The following TIGIT variants were observed in gnomAD, a reference collection of about 807,000 sequenced individuals.
TIGIT encodes T-cell immunoreceptor with Ig and ITIM domains.
Under a neutral mutation model 19.6 loss-of-function variants are expected in TIGIT, and 11 were observed. That is an observed-to-expected ratio of 0.56 (90% CI 0.35 to 0.93). TIGIT has a LOEUF of 0.93. TIGIT is among the 40% of genes least tolerant of loss of function. The pLI is 0.01. For missense variants in TIGIT, 295 were observed against 303.9 expected, an observed-to-expected ratio of 0.97 and a Z score of 0.22; for synonymous variants, 130 against 125.5, an observed-to-expected ratio of 1.04 and a Z score of -0.24.
intron 2 of TIGIT, among the ~76,000 whole-genome samples, chr3:114,296,890 C>CTTT (rs11289140): frequency 2.7e-4 from 30 of 112,846 alleles, no homozygotes; most frequent in Middle Eastern, 4.4e-3. Context: ...AATGTTACTT[C>CTTT]TTTTTTTTTT....
intron 2 of TIGIT, among the ~76,000 whole-genome samples, chr3:114,298,044 C>T (rs1234781320): frequency 6.6e-6 from 1 of 152,230 alleles, no homozygotes; most frequent in Non-Finnish European, 1.5e-5. Flanking sequence ...CTAATACTAT[C>T]TGTAATATTT....
At position 114,295,490 on chromosome 3, in the gene TIGIT, G is replaced by C. The variant is rs1239382918; in HGVS notation, c.62-55G>C. ...AAGGCCCTTAGAATTTTTCTAGGAA[G>C]GTTGAAGGCCAGCTGCTGACCCAGG... On this transcript the variant is annotated intron_variant, in intron 1 of 3. Transcript: ENST00000383671. 3.4e-6 allele frequency: 5 copies of C among 1,467,576 alleles called. No individual in the cohort carries two copies. In the African/African-American group the frequency reaches 7.0e-5, roughly 21 times the overall value. 90.9% of individuals were successfully genotyped at this position (1,467,576 alleles called of 1,614,324 possible).
chr3:114,299,766 C>T, intron 3 of TIGIT, 63 bp downstream of exon 3: 1 of 1,110,200 alleles, frequency 9.0e-7, no homozygotes. Context: ...CGGGTCCTTT[C>T]AGGTTCTCTT....
At position 114,295,670 on chromosome 3, in the gene TIGIT, G is replaced by A; in HGVS notation, c.187G>A (p.Asp63Asn). 8.7e-6 allele frequency: 14 copies of A among 1,614,182 alleles called. No homozygotes were observed. Among genetic ancestry groups the A allele is most frequent in the Non-Finnish European group, 1.2e-5 (14 of 1,180,032 alleles). Residue 63 changes from aspartate to asparagine, a missense_variant, in exon 2 of 4, where the codon GAC becomes AAC. Physicochemically the swap from Asp to Asn is conservative, Grantham distance 23. Transcript: ENST00000383671. ...GACCCAGGTCAACTGGGAGCAGCAGGACCAGCTTCTGGCCATTTGTAATGC... is the reference window on the plus strand; with the variant it reads ...GACCCAGGTCAACTGGGAGCAGCAGAACCAGCTTCTGGCCATTTGTAATGC... ...QVTQVNWEQQDQLLAICNADL... is the reference protein window; with the variant it reads ...QVTQVNWEQQNQLLAICNADL...
chr3:114,310,021 A>G lies in TIGIT; in HGVS notation c.*1890A>G, dbSNP rs980089325. 3 of 152,236 alleles carry G rather than the reference A, an allele frequency of 2.0e-5. No homozygotes were observed. Among genetic ancestry groups the G allele is most frequent in the African/African-American group, 7.2e-5 (3 of 41,464 alleles). 9.4% of individuals were successfully genotyped at this position (152,236 alleles called of 1,614,324 possible). A position where few individuals can be genotyped will look rare whatever the true frequency, so the allele number is the denominator to read the frequency against. The stretch of plus-strand genomic sequence containing the variant: ...ACTCACTGAACTAGATTCTCCTCTG[A>G]GAACCAGAGAAGACCATTTCATAGT... On this transcript the variant is annotated 3_prime_UTR_variant, in exon 4 of 4. Coordinates refer to ENST00000383671, the MANE Select transcript of TIGIT (RefSeq NM_173799.4).
chr3:114,299,510 C>A, intron 2 of TIGIT, 87 bp from the exon 3 acceptor site: 3 of 1,020,192 alleles, frequency 2.9e-6, no homozygotes, highest in African/African-American at 1.6e-5. Context: ...CAATCCTCCC[C>A]TCTCTGCCGT....
chr3:114,302,492 C>T (rs1288365943), intron 3 of TIGIT, among the ~76,000 whole-genome samples: 1 of 152,200 alleles, frequency 6.6e-6, no homozygotes, highest in Non-Finnish European at 1.5e-5. Flanking sequence ...TGTATCTCTC[C>T]TGGGCACACT....
intron 3 of TIGIT, among the ~76,000 whole-genome samples, chr3:114,300,320 C>T (rs1454319964): frequency 6.6e-6 from 1 of 151,428 alleles, no homozygotes; most frequent in African/African-American, 2.4e-5. Context: ...TTCAAGGCTG[C>T]AGTGAGCTAT....
intron 3 of TIGIT, among the ~76,000 whole-genome samples, chr3:114,301,383 A>G (rs975313969): frequency 6.6e-6 from 1 of 152,188 alleles, no homozygotes; most frequent in South Asian, 2.1e-4. Flanking sequence ...ATTTTCATTT[A>G]TGTGTTGGCT....
At position 114,308,047 on chromosome 3, in the gene TIGIT, G is replaced by C. The variant is rs759355698; in HGVS notation, c.651G>C (p.Glu217Asp). Residue 217 changes from glutamate to aspartate, a missense_variant, in exon 4 of 4, where the codon GAG (glutamate) becomes GAC (aspartate). Physicochemically the swap from Glu to Asp is conservative, Grantham distance 45. Coordinates refer to ENST00000383671, the MANE Select transcript of TIGIT (RefSeq NM_173799.4). ...PAGLCGEQRG[E>D]DCAELHDYFN... The stretch of plus-strand genomic sequence containing the variant: ...GGCTCTGTGGAGAGCAGCGGGGAGA[G>C]GACTGTGCCGAGCTGCATGACTACT... 6.2e-7 allele frequency: 1 copy of C among 1,614,184 alleles called. No homozygotes were observed. Among genetic ancestry groups the C allele is most frequent in the East Asian group, 2.2e-5 (1 of 44,880 alleles).
At chr3:114,295,906 C>A (rs773431041) in intron 2 of TIGIT, 32 bp downstream of exon 2, 10 of 1,536,144 alleles carry the variant, frequency 6.5e-6, no homozygotes, top group Non-Finnish European at 8.9e-6. Context: ...GGTGGATAAA[C>A]CTCTCCCTCT....
chr3:114,304,420 A>G (rs13078153), intron 3 of TIGIT, among the ~76,000 whole-genome samples: 41,870 of 152,160 alleles, frequency 0.28, 6,676 homozygotes, highest in Middle Eastern at 0.38. Flanking sequence ...ATAGTTTGCC[A>G]AAGCAGTGTT....
intron 3 of TIGIT, among the ~76,000 whole-genome samples, chr3:114,302,721 C>A (rs975912192): frequency 1.3e-5 from 2 of 152,214 alleles, no homozygotes; most frequent in Non-Finnish European, 2.9e-5. Context: ...CTCAATGATG[C>A]TGGAGCTCCC....
In TIGIT at chr3:114,295,689, G is replaced by T. The variant is rs1217152679; in HGVS notation, c.206G>T (p.Cys69Phe). The stretch of plus-strand genomic sequence containing the variant: ...CAGCAGGACCAGCTTCTGGCCATTT[G>T]TAATGCTGACTTGGGGTGGCACATC... Reference protein sequence around the residue: ...WEQQDQLLAICNADLGWHISP... With the variant: ...WEQQDQLLAIFNADLGWHISP... Residue 69 changes from cysteine to phenylalanine, a missense_variant, in exon 2 of 4, where the codon TGT becomes TTT. Physicochemically the swap from Cys to Phe is radical, Grantham distance 205. Coordinates refer to ENST00000383671, the MANE Select transcript of TIGIT (RefSeq NM_173799.4). 1 of 1,614,108 alleles carries T rather than the reference G, an allele frequency of 6.2e-7. No homozygotes were observed. The highest frequency in any genetic ancestry group is 8.5e-7 in the Non-Finnish European group (1 of 1,180,044).
intron 3 of TIGIT, among the ~76,000 whole-genome samples, chr3:114,300,602 G>A (rs559723990): frequency 7.9e-5 from 12 of 152,004 alleles, no homozygotes; most frequent in Non-Finnish European, 1.5e-4. Context: ...ATTTTCTGCC[G>A]CTGTAACAGA....
chr3:114,305,005 C>T (rs2078521592), intron 3 of TIGIT, among the ~76,000 whole-genome samples: 1 of 152,194 alleles, frequency 6.6e-6, no homozygotes, highest in Non-Finnish European at 1.5e-5. Flanking sequence ...AGACGAGTGT[C>T]TTTTAAATGC....
At chr3:114,295,439 C>A in intron 1 of TIGIT, 106 bp from the exon 2 acceptor site, 1 of 814,762 alleles carries the variant, frequency 1.2e-6, no homozygotes, top group Non-Finnish European at 2.0e-6. Flanking sequence ...GAGAAACTAT[C>A]ATTCCAAAAT....
At position 114,307,987 on chromosome 3, in the gene TIGIT, A is replaced by G; in HGVS notation, c.591A>G (p.Pro197=). Residue 197 remains proline, a synonymous_variant, in exon 4 of 4, where the codon CCA becomes CCG. Coordinates refer to ENST00000383671, the MANE Select transcript of TIGIT (RefSeq NM_173799.4). ...GGAGCCCCAGTGCTCCCTCACCCCC[A>G]GGAAGCTGTGTCCAGGCAGAAGCTG... ...EEWSPSAPSP[P]GSCVQAEAAP... is the part of the protein sequence containing the mutation. 11 of 1,614,212 alleles carry G rather than the reference A, an allele frequency of 6.8e-6. No homozygotes were observed. Among genetic ancestry groups the G allele is most frequent in the Non-Finnish European group, 9.3e-6 (11 of 1,180,042 alleles).
chr3:114,303,890 G>T (rs183867805), intron 3 of TIGIT, among the ~76,000 whole-genome samples: 2 of 152,178 alleles, frequency 1.3e-5, no homozygotes, highest in Non-Finnish European at 2.9e-5. Context: ...CAGTGTAAAA[G>T]TGTTCCCCTT....
Sources: gnomAD v4.1 joint callset for allele counts (sites outside exome capture counted in the v4.1 genomes callset) on GRCh38, gnomAD v4.1.1 for gene constraint, MANE v1.5 for transcripts, NCBI Gene and HGNC (gene_info 2026-07-23, HGNC 2026-07-21) for gene names.